The following POU6F2 variants were observed in gnomAD, a reference collection of about 807,000 sequenced individuals.
POU6F2 encodes the protein POU domain, class 6, transcription factor 2.
In POU6F2, 31 loss-of-function variants were observed where a neutral mutation model predicts 71.3. The ratio of observed to expected loss-of-function variants is 0.43; its 90% CI spans 0.33 to 0.59. The LOEUF is 0.59. Ranked by LOEUF, POU6F2 falls within the 20% of genes least tolerant of loss-of-function variation. The pLI is 0.04. For synonymous variants in POU6F2, 347 were observed against 355.7 expected, an observed-to-expected ratio of 0.98 and a Z score of 0.27; for missense variants, 783 against 856.8, an observed-to-expected ratio of 0.91 and a Z score of 1.07.
chr7:39,064,615 T>A (rs1790721342), intron 1 of POU6F2, among the ~76,000 whole-genome samples: 1 of 151,858 alleles, frequency 6.6e-6, no homozygotes, highest in Non-Finnish European at 1.5e-5. Flanking sequence ...TAAGATCAAA[T>A]ATATTAATTA....
At chr7:39,028,795 G>C (rs1230584003) in intron 1 of POU6F2, among the ~76,000 whole-genome samples, 1 of 151,918 alleles carries the variant, frequency 6.6e-6, no homozygotes, top group Admixed American at 6.6e-5. Flanking sequence ...TATGTAACTT[G>C]GAATATTGTA....
chr7:39,408,843 T>C (rs1787490843), intron 6 of POU6F2, among the ~76,000 whole-genome samples: 2 of 152,316 alleles, frequency 1.3e-5, no homozygotes, highest in Middle Eastern at 6.8e-3. Context: ...TTTTTTGTTT[T>C]TTTGATGTTC....
chr7:39,152,958 C>CG (rs2128734754), intron 2 of POU6F2, among the ~76,000 whole-genome samples: 1 of 152,308 alleles, frequency 6.6e-6, no homozygotes, highest in South Asian at 2.1e-4. Flanking sequence ...CGGAGATCTT[C>CG]TGTTCCCAGG....
intron 2 of POU6F2, among the ~76,000 whole-genome samples, chr7:39,173,561 TC>T (rs1793268792): frequency 6.6e-6 from 1 of 152,234 alleles, no homozygotes; most frequent in Admixed American, 6.5e-5. Context: ...CCTATCATCT[TC>T]CCCTTTCATC....
chr7:39,077,487 T>C (rs998867239), intron 1 of POU6F2, among the ~76,000 whole-genome samples: 2 of 152,224 alleles, frequency 1.3e-5, no homozygotes, highest in Non-Finnish European at 2.9e-5. Flanking sequence ...ATTGCTTGTC[T>C]GTGTTTAAAT....
At chr7:39,393,224 T>G (rs1787109124) in intron 5 of POU6F2, among the ~76,000 whole-genome samples, 1 of 152,222 alleles carries the variant, frequency 6.6e-6, no homozygotes, top group African/African-American at 2.4e-5. Context: ...AGCATTCTAG[T>G]CATGTTTTCT....
chr7:38,984,897 C>T (rs1327674367), intron 1 of POU6F2: 13 of 152,072 alleles, frequency 8.5e-5, no homozygotes, highest in Non-Finnish European at 5.9e-5. Context: ...GTGTTTTTAG[C>T]ATTGATCAGA....
chr7:39,313,477 C>A (rs1479344139), intron 4 of POU6F2, among the ~76,000 whole-genome samples: 1 of 152,076 alleles, frequency 6.6e-6, no homozygotes, highest in African/African-American at 2.4e-5. Flanking sequence ...AATGTAAGTT[C>A]CCTGAGGTTG....
chr7:39,306,370 C>T (rs771226200), intron 4 of POU6F2, among the ~76,000 whole-genome samples: 5 of 152,312 alleles, frequency 3.3e-5, no homozygotes, highest in Non-Finnish European at 7.4e-5. Flanking sequence ...TGCATTCATT[C>T]GTCCTAGCAT....
intron 2 of POU6F2, among the ~76,000 whole-genome samples, chr7:39,119,514 G>A (rs1791999507): frequency 6.6e-6 from 1 of 152,102 alleles, no homozygotes; most frequent in Non-Finnish European, 1.5e-5. Context: ...GAGGGGAAAC[G>A]GGGTGGAGAG....
chr7:39,194,270 G>A (rs199670093), intron 2 of POU6F2, among the ~76,000 whole-genome samples: 2 of 152,188 alleles, frequency 1.3e-5, no homozygotes, highest in Admixed American at 1.3e-4. Flanking sequence ...AGGATGCTGC[G>A]AGTTTTTCAT....
intron 4 of POU6F2, among the ~76,000 whole-genome samples, chr7:39,324,117 A>C (rs899262828): frequency 6.6e-6 from 1 of 152,054 alleles, no homozygotes; most frequent in African/African-American, 2.4e-5. Context: ...CAAAAAAAAA[A>C]AAAGAAAAAA....
chr7:39,276,364 A>G (rs1451565890), intron 4 of POU6F2, among the ~76,000 whole-genome samples: 2 of 152,248 alleles, frequency 1.3e-5, no homozygotes, highest in Admixed American at 6.5e-5. Context: ...ATCATCTCAC[A>G]CCAGTTAGAA....
chr7:39,453,423 A>G (rs1343425529), intron 8 of POU6F2, among the ~76,000 whole-genome samples: 1 of 152,262 alleles, frequency 6.6e-6, no homozygotes, highest in Non-Finnish European at 1.5e-5. Flanking sequence ...TTTAGGATAA[A>G]CTGTTAAGCT....
chr7:39,251,636 TAAG>T (rs1216736899), intron 4 of POU6F2, among the ~76,000 whole-genome samples: 2 of 152,102 alleles, frequency 1.3e-5, no homozygotes, highest in African/African-American at 4.8e-5. Flanking sequence ...GAAATAAAAA[TAAG>T]AAGACATCTC....
intron 2 of POU6F2, among the ~76,000 whole-genome samples, chr7:39,193,143 A>G (rs1223062572): frequency 6.6e-6 from 1 of 152,166 alleles, no homozygotes; most frequent in Non-Finnish European, 1.5e-5. Context: ...CAGGGGTCAC[A>G]CTTGACTATG....
chr7:39,456,759 G>C (rs1227924882), intron 8 of POU6F2, among the ~76,000 whole-genome samples: 1 of 152,220 alleles, frequency 6.6e-6, no homozygotes, highest in East Asian at 1.9e-4. Flanking sequence ...ATTTTGCAGA[G>C]AGATGCTACT....
chr7:39,303,304 C>T (rs1017996277), intron 4 of POU6F2, among the ~76,000 whole-genome samples: 6 of 152,068 alleles, frequency 3.9e-5, no homozygotes, highest in East Asian at 1.9e-4. Context: ...CCCTCCGCCG[C>T]GCCTGGCTAA....
chr7:38,982,902 A>G (rs1210223072), intron 1 of POU6F2, among the ~76,000 whole-genome samples: 1 of 152,096 alleles, frequency 6.6e-6, no homozygotes, highest in Non-Finnish European at 1.5e-5. Flanking sequence ...TGCGTGTAAA[A>G]TCTATAATAT....
Sources: gnomAD v4.1 joint callset for allele counts (sites outside exome capture counted in the v4.1 genomes callset) on GRCh38, gnomAD v4.1.1 for gene constraint, MANE v1.5 for transcripts, NCBI Gene and HGNC (gene_info 2026-07-23, HGNC 2026-07-21) for gene names.